Variants in MBD5 observed in about 807,000 individuals in gnomAD.
MBD5 encodes methyl-CpG-binding domain protein 5.
A neutral mutation model predicts 117.3 loss-of-function variants in MBD5; 13 were observed. The observed-to-expected ratio is 0.11, with a 90% CI of 0.07 to 0.18. The LOEUF is 0.18. Ranked by LOEUF, MBD5 falls within the 10% of genes least tolerant of loss-of-function variation. The probability of loss-of-function intolerance (pLI) is 1.00; values close to 1 mark genes in which losing one functional copy is unlikely to be tolerated. For synonymous variants in MBD5, 727 were observed against 766.4 expected, an observed-to-expected ratio of 0.95 and a Z score of 0.85; for missense variants, 1,879 against 2,093.8, an observed-to-expected ratio of 0.90 and a Z score of 2.00.
chr2:148,093,744 A>G (rs1695997375), intron 1 of MBD5, among the ~76,000 whole-genome samples: 2 of 152,186 alleles, frequency 1.3e-5, no homozygotes, highest in African/African-American at 4.8e-5. Flanking sequence ...CATATAATAT[A>G]TGTTCATTGA....
intron 1 of MBD5, among the ~76,000 whole-genome samples, chr2:148,077,951 T>C (rs1695545858): frequency 1.3e-5 from 2 of 152,208 alleles, no homozygotes; most frequent in East Asian, 1.9e-4. Context: ...ACACCAACTT[T>C]AGGATCTACT....
intron 3 of MBD5, among the ~76,000 whole-genome samples, chr2:148,243,389 G>A (rs1260156320): frequency 6.6e-6 from 1 of 152,036 alleles, no homozygotes; most frequent in Non-Finnish European, 1.5e-5. Flanking sequence ...ATGTGCTAAT[G>A]TAGATTGTAG....
At chr2:148,106,396 A>G (rs1264081587) in intron 1 of MBD5, among the ~76,000 whole-genome samples, 2 of 151,936 alleles carry the variant, frequency 1.3e-5, no homozygotes, top group African/African-American at 4.8e-5. Context: ...GACTAATAAT[A>G]ATATAGTTTT....
intron 1 of MBD5, among the ~76,000 whole-genome samples, chr2:148,159,656 T>C (rs1267916995): frequency 6.6e-6 from 1 of 152,218 alleles, no homozygotes; most frequent in Admixed American, 6.5e-5. Context: ...TTATACTCAT[T>C]AAGACTCAAC....
At chr2:148,229,602 C>T (rs1362674664) in intron 2 of MBD5, among the ~76,000 whole-genome samples, 1 of 152,120 alleles carries the variant, frequency 6.6e-6, no homozygotes, top group African/African-American at 2.4e-5. Flanking sequence ...TTATTATAGT[C>T]TTCACTTTCT....
intron 1 of MBD5, among the ~76,000 whole-genome samples, chr2:148,145,292 T>G (rs1239413420): frequency 1.3e-5 from 2 of 152,216 alleles, no homozygotes; most frequent in Non-Finnish European, 2.9e-5. Flanking sequence ...TTTTGCACAT[T>G]GATTTTGTAT....
At chr2:148,151,294 A>G (rs1253503710) in intron 1 of MBD5, among the ~76,000 whole-genome samples, 1 of 151,862 alleles carries the variant, frequency 6.6e-6, no homozygotes. Flanking sequence ...GATGAAGCCC[A>G]CTTGATCATG....
At chr2:148,383,345 A>G (rs1414248234) in intron 4 of MBD5, among the ~76,000 whole-genome samples, 1 of 152,218 alleles carries the variant, frequency 6.6e-6, no homozygotes, top group Non-Finnish European at 1.5e-5. Flanking sequence ...CAAATAAACT[A>G]GAAAATCTAG....
intron 3 of MBD5, among the ~76,000 whole-genome samples, chr2:148,326,485 G>A (rs1314401916): frequency 6.6e-6 from 1 of 152,084 alleles, no homozygotes; most frequent in African/African-American, 2.4e-5. Context: ...CTCTTTGTAG[G>A]TCACTCAGGA....
At chr2:148,110,643 G>T (rs1295973923) in intron 1 of MBD5, among the ~76,000 whole-genome samples, 1 of 150,142 alleles carries the variant, frequency 6.7e-6, no homozygotes, top group African/African-American at 2.4e-5. Context: ...GTTCCTGTTT[G>T]TTTTTTTTTA....
chr2:148,284,190 T>C (rs1202612994), intron 3 of MBD5, among the ~76,000 whole-genome samples: 1 of 152,250 alleles, frequency 6.6e-6, no homozygotes, highest in Non-Finnish European at 1.5e-5. Context: ...TCTTTAGAGT[T>C]ACATCTTATT....
intron 1 of MBD5, among the ~76,000 whole-genome samples, chr2:148,134,607 A>G (rs745569716): frequency 6.6e-6 from 1 of 152,098 alleles, no homozygotes; most frequent in Non-Finnish European, 1.5e-5. Context: ...TCCCTATTCC[A>G]TTCTTCCCCC....
chr2:148,263,819 A>G (rs948041859), intron 3 of MBD5, among the ~76,000 whole-genome samples: 4 of 152,202 alleles, frequency 2.6e-5, no homozygotes, highest in Non-Finnish European at 5.9e-5. Context: ...TCATTTTTCA[A>G]TGCTTTTTAC....
intron 1 of MBD5, among the ~76,000 whole-genome samples, chr2:148,093,184 T>C (rs1041928515): frequency 6.6e-6 from 1 of 152,186 alleles, no homozygotes; most frequent in African/African-American, 2.4e-5. Context: ...GTGTTAGGAT[T>C]ACAGGAGTGA....
chr2:148,448,894 A>C (rs1236486293), intron 4 of MBD5, among the ~76,000 whole-genome samples: 1 of 152,000 alleles, frequency 6.6e-6, no homozygotes, highest in Non-Finnish European at 1.5e-5. Flanking sequence ...TTGTTGGTGT[A>C]CTCTTAAATT....
chr2:148,097,490 T>C (rs538516662), intron 1 of MBD5, among the ~76,000 whole-genome samples: 39 of 152,344 alleles, frequency 2.6e-4, no homozygotes, highest in African/African-American at 9.1e-4. Flanking sequence ...TCACACAAGT[T>C]ATTTGTTTTT....
At chr2:148,222,499 T>TTAAGAA (rs1212089872) in intron 2 of MBD5, among the ~76,000 whole-genome samples, 4 of 152,114 alleles carry the variant, frequency 2.6e-5, no homozygotes, top group African/African-American at 9.6e-5. Flanking sequence ...AGTTAATTCC[T>TTAAGAA]AGGTATTTAT....
intron 2 of MBD5, among the ~76,000 whole-genome samples, chr2:148,217,460 C>G (rs1157481972): frequency 6.6e-6 from 1 of 152,210 alleles, no homozygotes; most frequent in East Asian, 1.9e-4. Flanking sequence ...AAGCACTTGT[C>G]TTCCACCTTG....
In MBD5 at chr2:148,458,633, T is replaced by C. The variant is rs1706958534; in HGVS notation, c.-126T>C. ...TCCAAACTGAGCTGAAGCTTCCCAA[T>C]GCGTTTTGTACAGTCTGGGAAAAAC... On this transcript the variant is annotated 5_prime_UTR_variant, in exon 5 of 14. It removes an upstream start codon present in the reference 5' UTR. Coordinates refer to ENST00000642680, the MANE Select transcript of MBD5 (RefSeq NM_001378120.1). 5.1e-6 allele frequency: 4 copies of C among 777,394 alleles called. No homozygotes were observed. In the Admixed American group the frequency reaches 6.0e-5, roughly 12 times the overall value. 48.2% of individuals were successfully genotyped at this position (777,394 alleles called of 1,614,324 possible).
Sources: allele counts gnomAD v4.1 joint callset (sites outside exome capture counted in the v4.1 genomes callset), GRCh38; gene constraint gnomAD v4.1.1; transcripts MANE v1.5; gene names NCBI Gene and HGNC (gene_info 2026-07-23, HGNC 2026-07-21).